Variants in CACNA1S observed in about 807,000 individuals in gnomAD.
CACNA1S encodes the protein calcium voltage-gated channel subunit alpha1 S.
Under a neutral mutation model 207.4 loss-of-function variants are expected in CACNA1S, and 126 were observed. The observed-to-expected ratio is 0.61, with a 90% CI of 0.53 to 0.70. CACNA1S has a LOEUF of 0.70. CACNA1S is among the 30% of genes least tolerant of loss of function. The pLI is 0.00. For synonymous variants in CACNA1S, 960 were observed against 932.7 expected (o/e 1.03, Z -0.53); for missense variants, 2,349 against 2,422.8 (o/e 0.97, Z 0.64).
At chr1:201,100,328 C>T (rs752297806) in intron 2 of CACNA1S, among the ~76,000 whole-genome samples, 6 of 152,220 alleles carry the variant, frequency 3.9e-5, no homozygotes, top group African/African-American at 1.4e-4. Context: ...GAAGCAACAG[C>T]GTTTCTGGTA....
intron 35 of CACNA1S, 135 bp from the exon 36 acceptor site, chr1:201,048,819 T>C: frequency 2.3e-6 from 2 of 853,340 alleles, no homozygotes; most frequent in South Asian, 1.4e-5. Context: ...GGACATCCTT[T>C]GTGAGGGGAC....
At chr1:201,062,219 C>A in intron 23 of CACNA1S, 129 bp from the exon 24 acceptor site, 3 of 1,223,374 alleles carry the variant, frequency 2.5e-6, no homozygotes, top group Non-Finnish European at 2.3e-6. Flanking sequence ...CAAGGGGACA[C>A]CGCTGGGCGA....
chr1:201,111,153 G>A (rs527527884), intron 1 of CACNA1S, among the ~76,000 whole-genome samples: 108 of 152,226 alleles, frequency 7.1e-4, no homozygotes, highest in African/African-American at 2.3e-3. Context: ...GCCTAGGAGG[G>A]TTTGATGTGG....
At position 201,044,424 on chromosome 1, in the gene CACNA1S, G is replaced by T; in HGVS notation, c.4701C>A (p.Ala1567=). Residue 1567 remains alanine, a synonymous_variant, in exon 39 of 44, where the codon GCC becomes GCA. Coordinates refer to ENST00000362061, the MANE Select transcript of CACNA1S (RefSeq NM_000069.3). ...CTGAGACCGTGCGACAGATCTCGGG[G>T]GCTGCCTCTTCCTCAATGGTCCGCA... is the stretch of plus-strand genomic sequence containing the variant. ...AGLRTIEEEA[A]PEICRTVSGD... is the part of the protein sequence containing the mutation. 1.9e-6 allele frequency: 3 copies of T among 1,613,432 alleles called. No individual in the cohort carries two copies. Among genetic ancestry groups the T allele is most frequent in the Non-Finnish European group, 2.5e-6 (3 of 1,179,920 alleles).
rs150852379 is a variant in CACNA1S at position 201,081,106 on chromosome 1, C to G, written c.1393+2056G>C. On this transcript the variant is annotated intron_variant, in intron 10 of 43. Coordinates refer to ENST00000362061, the MANE Select transcript of CACNA1S (RefSeq NM_000069.3). The stretch of plus-strand genomic sequence containing the variant: ...TTGGCTTCCCTTCCATGGGGGCAGA[C>G]TTTCCAGGGCCCTGGCTCTATGTAG... Among the ~76,000 whole-genome samples, 226 of 152,290 alleles carry G rather than the reference C, an allele frequency of 1.5e-3. 1 individual carries two copies. Among genetic ancestry groups the G allele is most frequent in the African/African-American group, 5.3e-3 (222 of 41,566 alleles).
rs566010012 is a variant in CACNA1S, at chr1:201,092,385, G to C, written c.399-271C>G. 7.7e-4 allele frequency among the ~76,000 whole-genome samples: 118 copies of C among 152,282 alleles called. 2 individuals are homozygous for C. In the South Asian group the frequency reaches 0.024, roughly 31 times the overall value. On this transcript the variant is annotated intron_variant, in intron 3 of 43. Transcript: ENST00000362061. The stretch of plus-strand genomic sequence containing the variant: ...ACTTTGGGTGCTGAACGGGGGTGAG[G>C]TATGTGTGCCACAGGGACAGTCCCT...
At chr1:201,062,914 C>T (rs1405022363) in intron 22 of CACNA1S, among the ~76,000 whole-genome samples, 3 of 152,220 alleles carry the variant, frequency 2.0e-5, no homozygotes, top group Non-Finnish European at 4.4e-5. Context: ...CTGCAGGAGG[C>T]CTTCTGTGGT....
intron 28 of CACNA1S, among the ~76,000 whole-genome samples, chr1:201,055,490 C>T (rs981390788): frequency 5.3e-5 from 8 of 152,338 alleles, no homozygotes; most frequent in Middle Eastern, 3.4e-3. Context: ...GCAAGGATGA[C>T]GACCAGTGTT....
At chr1:201,081,057 C>G (rs567752588) in intron 10 of CACNA1S, among the ~76,000 whole-genome samples, 1 of 152,316 alleles carries the variant, frequency 6.6e-6, no homozygotes, top group Non-Finnish European at 1.5e-5. Flanking sequence ...AACTTCCAAG[C>G]TCATTTCCTG....
At chr1:201,078,196 C>A (rs1184729440) in intron 10 of CACNA1S, 92 bp from the exon 11 acceptor site, 1 of 1,012,292 alleles carries the variant, frequency 9.9e-7, no homozygotes, top group Non-Finnish European at 1.6e-6. Flanking sequence ...CCCAGGACGC[C>A]CCTTCCCTTG....
chr1:201,075,406 A>C, intron 13 of CACNA1S, 89 bp downstream of exon 13: 2 of 1,554,222 alleles, frequency 1.3e-6, no homozygotes, highest in Non-Finnish European at 1.8e-6. Flanking sequence ...CTGGCTACCT[A>C]GAAACTGGAC....
chr1:201,049,135 C>A (rs1358855061), intron 34 of CACNA1S, 36 bp from the exon 35 acceptor site: 2 of 1,449,468 alleles, frequency 1.4e-6, no homozygotes, highest in Non-Finnish European at 1.9e-6. Context: ...TACCTGCTAC[C>A]CTCCTCCGCT....
intron 10 of CACNA1S, 72 bp downstream of exon 10, chr1:201,083,090 C>T (rs1661896084): frequency 9.9e-6 from 15 of 1,520,968 alleles, no homozygotes; most frequent in Non-Finnish European, 1.4e-5. Context: ...ACCTGTGGTG[C>T]CATTGGCTGA....
At chr1:201,103,723 G>C (rs889489129) in intron 2 of CACNA1S, among the ~76,000 whole-genome samples, 1 of 152,204 alleles carries the variant, frequency 6.6e-6, no homozygotes. Context: ...CCAGAGCTGC[G>C]GTCCTTCTGA....
rs544045248 is a variant in CACNA1S, at chr1:201,094,989, C to T, written c.259-968G>A. Among the ~76,000 whole-genome samples the T allele has an allele frequency of 2.0e-5, 3 of 152,232 alleles. No individual in the cohort carries two copies. In the South Asian group the frequency reaches 6.2e-4, roughly 32 times the overall value. On this transcript the variant is annotated intron_variant, in intron 2 of 43. Transcript: ENST00000362061. ...CAGGCTGAAACTGCTCTCCTTGCAG[C>T]CATCTGAACCCTGGCTTGGCAGCTT... is the stretch of plus-strand genomic sequence containing the variant.
Position 201,043,348 on chromosome 1 carries a change from T to G in CACNA1S, c.4981A>C (p.Thr1661Pro). The G allele has an allele frequency of 6.2e-7, 1 of 1,614,178 alleles. No homozygotes were observed. Among genetic ancestry groups the G allele is most frequent in the Non-Finnish European group, 8.5e-7 (1 of 1,180,030 alleles). Residue 1661 changes from threonine to proline, a missense_variant, in exon 40 of 44, where the codon ACC becomes CCC. Coordinates refer to ENST00000362061, the MANE Select transcript of CACNA1S (RefSeq NM_000069.3). Reference protein sequence around the residue: ...PRTNPLARANTNNANANVAYG... With the variant: ...PRTNPLARANPNNANANVAYG... ...GCGACATTGGCGTTGGCATTGTTGG[T>G]ATTGGCACGAGCCAGGGGGTTGGTG...
intron 7 of CACNA1S, 81 bp from the exon 8 acceptor site, chr1:201,085,662 A>G: frequency 6.5e-7 from 1 of 1,537,918 alleles, no homozygotes; most frequent in Non-Finnish European, 8.9e-7. Context: ...GAGGACAGAC[A>G]AGCCCATTCT....
Position 201,112,264 on chromosome 1 carries a change from T to G in CACNA1S, c.76A>C (p.Arg26=). ...PKKPVPEILP[R]PPRALFCLTL... Reference sequence around the variant, plus strand: ...AGGCAGAACAAGGCCCGGGGTGGCCTTGGCAGAATCTCAGGAACTGGCTTC... The same window carrying G: ...AGGCAGAACAAGGCCCGGGGTGGCCGTGGCAGAATCTCAGGAACTGGCTTC... The change falls in exon 1 of 44, where the codon AGG becomes CGG. Residue 26 remains arginine (R), a synonymous_variant. Transcript: ENST00000362061. The G allele has an allele frequency of 1.2e-6, 2 of 1,613,974 alleles. No homozygotes were observed. Among genetic ancestry groups the G allele is most frequent in the Non-Finnish European group, 1.7e-6 (2 of 1,179,972 alleles).
intron 1 of CACNA1S, 93 bp downstream of exon 1, chr1:201,112,095 G>T: frequency 7.6e-7 from 1 of 1,313,822 alleles, no homozygotes; most frequent in Non-Finnish European, 1.1e-6. Context: ...AGGCCTCCCT[G>T]GCCCTCCTGT....
Sources: allele counts gnomAD v4.1 joint callset (sites outside exome capture counted in the v4.1 genomes callset), GRCh38; gene constraint gnomAD v4.1.1; transcripts MANE v1.5; gene names NCBI Gene and HGNC (gene_info 2026-07-23, HGNC 2026-07-21).